Variants in ZBTB7C observed in about 807,000 individuals in gnomAD.
ZBTB7C encodes zinc finger and BTB domain-containing protein 7C.
A neutral mutation model predicts 25.7 loss-of-function variants in ZBTB7C; 8 were observed. That is an observed-to-expected ratio of 0.31 (90% confidence interval 0.18 to 0.56). The LOEUF is 0.56. ZBTB7C is among the 20% of genes least tolerant of loss of function. ZBTB7C has a pLI of 0.91. For missense variants in ZBTB7C, 824 were observed against 855.2 expected (o/e 0.96, Z 0.46); for synonymous variants, 394 against 369.0 (o/e 1.07, Z -0.78).
intron 3 of ZBTB7C, among the ~76,000 whole-genome samples, chr18:48,128,979 G>A (rs980540633): frequency 4.6e-5 from 7 of 151,982 alleles, no homozygotes; most frequent in Admixed American, 6.5e-5. Context: ...ATGTGAATTC[G>A]TGCAAAGAAC....
chr18:48,050,063 G>A (rs2036622313), intron 3 of ZBTB7C, among the ~76,000 whole-genome samples: 1 of 152,198 alleles, frequency 6.6e-6, no homozygotes, highest in African/African-American at 2.4e-5. Flanking sequence ...GAAGGGATGT[G>A]GATTTCCTCT....
rs956595016 is a variant in ZBTB7C, at chr18:48,140,357, A to G, written c.-17+45577T>C. ...AGGGCCTATGCCCTCACTCTATGCA[A>G]CCACGCTGTGGGGTAGATCTTGTTA... On this transcript the variant is annotated intron_variant, in intron 3 of 4. Coordinates refer to ENST00000590800, the MANE Select transcript of ZBTB7C (RefSeq NM_001318841.2). Among the ~76,000 whole-genome samples the G allele has an allele frequency of 3.3e-5, 5 of 152,372 alleles. No individual in the cohort carries two copies. The South Asian group carries it at 6.2e-4, about 19-fold the overall frequency.
At chr18:48,068,361 G>A (rs902282055) in intron 3 of ZBTB7C, among the ~76,000 whole-genome samples, 2 of 151,832 alleles carry the variant, frequency 1.3e-5, no homozygotes, top group Non-Finnish European at 1.5e-5. Context: ...GGATGGTCTC[G>A]ATCTCTTGAC....
At chr18:48,033,020 T>A (rs1230596133) in intron 4 of ZBTB7C, among the ~76,000 whole-genome samples, 1 of 152,146 alleles carries the variant, frequency 6.6e-6, no homozygotes, top group African/African-American at 2.4e-5. Flanking sequence ...GGTATAGAGG[T>A]AGGGCCCCTC....
At chr18:48,342,445 C>G (rs778135861) in intron 1 of ZBTB7C, among the ~76,000 whole-genome samples, 1 of 152,132 alleles carries the variant, frequency 6.6e-6, no homozygotes, top group Non-Finnish European at 1.5e-5. Context: ...CAGGCAGGAT[C>G]GGGAGGCAGC....
At chr18:48,367,284 A>C (rs535668744) in intron 1 of ZBTB7C, among the ~76,000 whole-genome samples, 2 of 136,558 alleles carry the variant, frequency 1.5e-5, no homozygotes, top group South Asian at 4.7e-4. Flanking sequence ...GTATATGTAA[A>C]TATGTATCTA....
chr18:48,063,177 T>A (rs978631621), intron 3 of ZBTB7C, among the ~76,000 whole-genome samples: 6 of 152,246 alleles, frequency 3.9e-5, no homozygotes, highest in Non-Finnish European at 5.9e-5. Context: ...AAACCCCCTC[T>A]GTCTCAGGCA....
At chr18:48,296,856 A>G (rs1598809745) in intron 2 of ZBTB7C, among the ~76,000 whole-genome samples, 1 of 152,130 alleles carries the variant, frequency 6.6e-6, no homozygotes, top group African/African-American at 2.4e-5. Context: ...CGCGAACTCT[A>G]TTGTGAACCA....
At chr18:48,393,448 TAA>T (rs1363690656) in intron 1 of ZBTB7C, among the ~76,000 whole-genome samples, 1 of 152,114 alleles carries the variant, frequency 6.6e-6, no homozygotes, top group East Asian at 1.9e-4. Flanking sequence ...TCTCTCACTA[TAA>T]AGTCAGTCAC....
At position 48,207,127 on chromosome 18, in the gene ZBTB7C, A is replaced by G. The variant is rs117520912; in HGVS notation, c.-78-21132T>C. Among the ~76,000 whole-genome samples the G allele has an allele frequency of 2.5e-4, 38 of 152,388 alleles. No individual in the cohort carries two copies. In the East Asian group the frequency reaches 6.2e-3, roughly 25 times the overall value. On this transcript the variant is annotated intron_variant, in intron 2 of 4. Coordinates refer to ENST00000590800, the MANE Select transcript of ZBTB7C (RefSeq NM_001318841.2). The stretch of plus-strand genomic sequence containing the variant: ...CAATATAAAAAGACCACAGGGACGT[A>G]GCACTGAAGCAACCAGAATGGCTGA...
intron 2 of ZBTB7C, among the ~76,000 whole-genome samples, chr18:48,272,251 A>G (rs2044516089): frequency 6.6e-6 from 1 of 152,244 alleles, no homozygotes; most frequent in African/African-American, 2.4e-5. Context: ...TTTGATGGCC[A>G]AAGTAGGACA....
chr18:48,218,707 C>T (rs2042882099), intron 2 of ZBTB7C, among the ~76,000 whole-genome samples: 1 of 152,202 alleles, frequency 6.6e-6, no homozygotes, highest in African/African-American at 2.4e-5. Context: ...TAAGAACCTC[C>T]CTTTCATTCA....
At chr18:48,233,148 T>G in intron 2 of ZBTB7C, among the ~76,000 whole-genome samples, 1 of 152,180 alleles carries the variant, frequency 6.6e-6, no homozygotes, top group Non-Finnish European at 1.5e-5. Flanking sequence ...CCATAAGGGC[T>G]CTACTCTCAC....
intron 1 of ZBTB7C, among the ~76,000 whole-genome samples, chr18:48,380,437 G>T (rs1249848291): frequency 6.6e-6 from 1 of 152,186 alleles, no homozygotes; most frequent in Non-Finnish European, 1.5e-5. Context: ...TGAGATGATG[G>T]ATTAGTCGGA....
At chr18:48,351,441 G>A (rs59821730) in intron 1 of ZBTB7C, among the ~76,000 whole-genome samples, 1,673 of 152,196 alleles carry the variant, frequency 0.011, 38 homozygotes, top group African/African-American at 0.037. Context: ...CCTCCCTCAC[G>A]GACTTTCTAC....
chr18:48,046,180 T>G (rs1047028616), intron 3 of ZBTB7C, among the ~76,000 whole-genome samples: 1 of 152,266 alleles, frequency 6.6e-6, no homozygotes, highest in Non-Finnish European at 1.5e-5. Context: ...TGTGTTGTTA[T>G]GCAGTAATAG....
intron 2 of ZBTB7C, among the ~76,000 whole-genome samples, chr18:48,201,736 C>T (rs1033522084): frequency 2.0e-5 from 3 of 152,188 alleles, no homozygotes; most frequent in African/African-American, 7.2e-5. Context: ...ATAATGAACA[C>T]CTGTGCACCC....
intron 2 of ZBTB7C, among the ~76,000 whole-genome samples, chr18:48,266,489 C>T (rs1297156620): frequency 1.3e-5 from 2 of 151,860 alleles, no homozygotes; most frequent in African/African-American, 2.4e-5. Flanking sequence ...CACAATCTCA[C>T]CCAGCCAAGA....
At chr18:48,393,976 C>T (rs773557118) in intron 1 of ZBTB7C, among the ~76,000 whole-genome samples, 4 of 152,146 alleles carry the variant, frequency 2.6e-5, no homozygotes, top group Non-Finnish European at 4.4e-5. Context: ...CTCCCCTTCC[C>T]AGGCCTGGCC....
Sources: gnomAD v4.1 joint callset for allele counts (sites outside exome capture counted in the v4.1 genomes callset) on GRCh38, gnomAD v4.1.1 for gene constraint, MANE v1.5 for transcripts, NCBI Gene and HGNC (gene_info 2026-07-23, HGNC 2026-07-21) for gene names.